The following SAMD3 variants were observed in gnomAD, a reference collection of about 807,000 sequenced individuals.
The protein encoded by SAMD3 is sterile alpha motif domain-containing protein 3.
A neutral mutation model predicts 58.5 loss-of-function variants in SAMD3; 63 were observed. The ratio of observed to expected loss-of-function variants is 1.08; its 90% CI spans 0.88 to 1.33. The LOEUF is 1.33. SAMD3 is among the 40% of genes most tolerant of loss of function. The pLI is 0.00. For missense variants in SAMD3, 604 were observed against 608.4 expected (o/e 0.99, Z 0.08); for synonymous variants, 220 against 210.3 (o/e 1.05, Z -0.40).
intron 5 of SAMD3, among the ~76,000 whole-genome samples, chr6:130,186,255 C>T (rs1430147712): frequency 6.6e-6 from 1 of 152,040 alleles, no homozygotes; most frequent in Non-Finnish European, 1.5e-5. Flanking sequence ...TTTAGTGGCC[C>T]AAGCAACATT....
At chr6:130,168,350 G>T (rs961612404) in intron 8 of SAMD3, among the ~76,000 whole-genome samples, 6 of 152,074 alleles carry the variant, frequency 3.9e-5, no homozygotes, top group Admixed American at 1.3e-4. Context: ...CAGGAGAATC[G>T]CTTGAATCCA....
intron 2 of SAMD3, among the ~76,000 whole-genome samples, chr6:130,289,936 A>T (rs770113524): frequency 8.5e-5 from 13 of 152,082 alleles, no homozygotes; most frequent in Non-Finnish European, 1.8e-4. Flanking sequence ...TCTTGGATCT[A>T]TGTTTTAGTT....
chr6:130,328,217 C>T (rs549682761), intron 1 of SAMD3, among the ~76,000 whole-genome samples: 34 of 152,156 alleles, frequency 2.2e-4, no homozygotes, highest in Non-Finnish European at 4.3e-4. Flanking sequence ...TGTTGGGACT[C>T]ATGCCCCAAT....
intron 1 of SAMD3, chr6:130,364,991 T>C (rs1411071299): frequency 6.4e-6 from 1 of 157,434 alleles, no homozygotes; most frequent in Non-Finnish European, 1.3e-5. Context: ...CAGAATATCA[T>C]ACTTGCCTTC....
At position 130,184,441 on chromosome 6, in the gene SAMD3, G is replaced by A. The variant is rs1792731249; in HGVS notation, c.566C>T (p.Ser189Leu). The change falls in exon 6 of 12, where the codon TCA becomes TTA. Residue 189 changes from serine to leucine, a missense_variant. Coordinates refer to ENST00000439090, the MANE Select transcript of SAMD3 (RefSeq NM_001017373.4). Reference protein sequence around the residue: ...QADMTKYLEGSLYPSTQQYND... With the variant: ...QADMTKYLEGLLYPSTQQYND... ...AGCTTGTCCTGTTGTCACTCACAGT[G>A]AGCCTTCCAGATACTTAGTCATGTC... 6.2e-7 allele frequency: 1 copy of A among 1,613,546 alleles called. No homozygotes were observed. Among genetic ancestry groups the A allele is most frequent in the Non-Finnish European group, 8.5e-7 (1 of 1,179,702 alleles).
At chr6:130,277,170 T>A (rs1455625195) in intron 2 of SAMD3, among the ~76,000 whole-genome samples, 2 of 152,336 alleles carry the variant, frequency 1.3e-5, no homozygotes, top group Non-Finnish European at 1.5e-5. Context: ...TCTGCCTACA[T>A]CTTAGGCATA....
chr6:130,289,889 G>A (rs1775305346), intron 2 of SAMD3, among the ~76,000 whole-genome samples: 1 of 152,170 alleles, frequency 6.6e-6, no homozygotes, highest in African/African-American at 2.4e-5. Flanking sequence ...CATATTTGCT[G>A]TAGCCAAACT....
At chr6:130,345,679 G>A (rs561347764) in intron 1 of SAMD3, among the ~76,000 whole-genome samples, 4 of 151,910 alleles carry the variant, frequency 2.6e-5, no homozygotes, top group African/African-American at 7.3e-5. Context: ...TTTATTGAAT[G>A]AGTAAATACA....
At chr6:130,297,247 G>A (rs755043085) in intron 2 of SAMD3, among the ~76,000 whole-genome samples, 7 of 152,194 alleles carry the variant, frequency 4.6e-5, no homozygotes, top group Non-Finnish European at 1.0e-4. Context: ...GAAAGCCACT[G>A]CACAGAAGCT....
chr6:130,288,239 G>C (rs1006747001), intron 2 of SAMD3, among the ~76,000 whole-genome samples: 1 of 152,182 alleles, frequency 6.6e-6, no homozygotes, highest in African/African-American at 2.4e-5. Flanking sequence ...TATTGTGGGG[G>C]CTGGCAAGTC....
rs1777071167 is a variant in SAMD3 at position 130,335,501 on chromosome 6, CTCAA to C, written c.-303-22412_-303-22409del. ...TACACAATCATTATTCATTTATCCA[CTCAA>C]TCAACATGATCAAAGCTGGGGTTTT... On this transcript the variant is annotated intron_variant, in intron 1 of 13. Coordinates refer to the SAMD3 transcript ENST00000368134. Among the ~76,000 whole-genome samples, 6 of 152,228 alleles carry C rather than the reference CTCAA, an allele frequency of 3.9e-5. No homozygotes were observed. The South Asian group carries it at 1.2e-3, about 31-fold the overall frequency.
chr6:130,214,545 A>T lies in SAMD3; in HGVS notation c.80-19T>A, dbSNP rs758370129. ...TCTTCCTCTGGGAAAAAGAAAAAAA[A>T]TTAGTTTCTACATGACTTTCCGGCA... On this transcript the variant is annotated intron_variant, in intron 3 of 11. Transcript: ENST00000439090. The T allele has an allele frequency of 4.5e-6, 7 of 1,561,660 alleles. No individual in the cohort carries two copies. In the South Asian group the frequency reaches 6.1e-5, roughly 14 times the overall value.
intron 5 of SAMD3, 76 bp downstream of exon 5, chr6:130,209,419 C>T: frequency 4.2e-6 from 3 of 718,302 alleles, no homozygotes. Context: ...TACATCTAAA[C>T]ATATGAAACC....
chr6:130,159,835 A>G (rs1790127174), intron 8 of SAMD3: 1 of 152,200 alleles, frequency 6.6e-6, no homozygotes. Context: ...TAAGCAAAAG[A>G]CATGAACAGA....
intron 5 of SAMD3, among the ~76,000 whole-genome samples, chr6:130,194,618 G>GT: frequency 6.6e-6 from 1 of 152,294 alleles, no homozygotes; most frequent in Non-Finnish European, 1.5e-5. Flanking sequence ...CTTGCTACAA[G>GT]TGCCAGAAAT....
At chr6:130,240,019 A>G (rs1773300584) in intron 2 of SAMD3, among the ~76,000 whole-genome samples, 1 of 152,196 alleles carries the variant, frequency 6.6e-6, no homozygotes, top group Admixed American at 6.5e-5. Flanking sequence ...CATTCTGTAT[A>G]AAGCCTTATT....
At chr6:130,361,071 G>A (rs952100006) in intron 1 of SAMD3, among the ~76,000 whole-genome samples, 10 of 152,062 alleles carry the variant, frequency 6.6e-5, no homozygotes, top group East Asian at 1.9e-4. Context: ...TGCAGTTAAC[G>A]CAATTATCAC....
intron 5 of SAMD3, among the ~76,000 whole-genome samples, chr6:130,195,479 C>A (rs937750591): frequency 1.3e-5 from 2 of 152,324 alleles, no homozygotes; most frequent in East Asian, 3.9e-4. Flanking sequence ...TCAGGATCTG[C>A]GCCTTATCAA....
chr6:130,224,619 ATTATTATTATTATTT>A (rs1184762954), upstream of SAMD3, among the ~76,000 whole-genome samples: 6 of 116,282 alleles, frequency 5.2e-5, no homozygotes, highest in African/African-American at 4.1e-4. Flanking sequence ...TATTATTATT[ATTATTATTATTATTT>A]TTGAGATGGA....
Sources: allele counts gnomAD v4.1 joint callset (sites outside exome capture counted in the v4.1 genomes callset), GRCh38; gene constraint gnomAD v4.1.1; transcripts MANE v1.5; gene names NCBI Gene and HGNC (gene_info 2026-07-23, HGNC 2026-07-21).